PHTF2: variants seen among roughly 807,000 people sequenced by gnomAD.
PHTF2 encodes the protein protein PHTF2.
In PHTF2, 60 loss-of-function variants were observed where a neutral mutation model predicts 101.2. The observed-to-expected ratio is 0.59, with a 90% CI of 0.48 to 0.73. PHTF2 has a LOEUF of 0.73. Among genes scored for constraint, PHTF2 ranks in the 30% least tolerant of loss-of-function variants. The probability of loss-of-function intolerance (pLI) is 0.00; values close to 1 mark genes in which losing one functional copy is unlikely to be tolerated. For synonymous variants in PHTF2, 311 were observed against 307.3 expected (o/e 1.01, Z -0.13); for missense variants, 747 against 908.7 (o/e 0.82, Z 2.29).
At chr7:77,908,235 G>A in intron 7 of PHTF2, among the ~76,000 whole-genome samples, 1 of 152,192 alleles carries the variant, frequency 6.6e-6, no homozygotes, top group East Asian at 1.9e-4. Flanking sequence ...GGTAAAGAGA[G>A]TTTATGTCCA....
At chr7:77,917,485 T>C (rs1311364285) in intron 9 of PHTF2, among the ~76,000 whole-genome samples, 1 of 152,238 alleles carries the variant, frequency 6.6e-6, no homozygotes, top group Non-Finnish European at 1.5e-5. Flanking sequence ...AGGTATATTA[T>C]ACACCATCAA....
chr7:77,937,049 T>G (rs1401409288), intron 12 of PHTF2, among the ~76,000 whole-genome samples: 2 of 151,514 alleles, frequency 1.3e-5, no homozygotes, highest in Non-Finnish European at 2.9e-5. Context: ...GGAGGCTGAG[T>G]GCTTCAGTTT....
At chr7:77,908,247 A>G (rs1321754776) in intron 7 of PHTF2, among the ~76,000 whole-genome samples, 1 of 152,210 alleles carries the variant, frequency 6.6e-6, no homozygotes, top group Non-Finnish European at 1.5e-5. Context: ...TTATGTCCAG[A>G]AAGTCTAAGG....
At chr7:77,915,088 T>C (rs1399980720) in intron 9 of PHTF2, among the ~76,000 whole-genome samples, 1 of 150,046 alleles carries the variant, frequency 6.7e-6, no homozygotes, top group Non-Finnish European at 1.5e-5. Flanking sequence ...ATTTTTGTGT[T>C]TTTAGTAGAG....
At chr7:77,825,113 C>T (rs1302804222) in intron 1 of PHTF2, among the ~76,000 whole-genome samples, 1 of 151,832 alleles carries the variant, frequency 6.6e-6, no homozygotes, top group Non-Finnish European at 1.5e-5. Flanking sequence ...ATTTTTTCTT[C>T]ACTAAAACCA....
At chr7:77,948,092 G>A (rs919111363) in intron 16 of PHTF2, among the ~76,000 whole-genome samples, 2 of 151,940 alleles carry the variant, frequency 1.3e-5, no homozygotes, top group Non-Finnish European at 2.9e-5. Flanking sequence ...CACCTGCCTT[G>A]GCCTCCCAAA....
chr7:77,852,040 GT>G (rs1421717595), intron 2 of PHTF2, among the ~76,000 whole-genome samples: 1 of 152,020 alleles, frequency 6.6e-6, no homozygotes, highest in African/African-American at 2.4e-5. Flanking sequence ...TTTTGTGTGT[GT>G]GTGTGAGATA....
intron 1 of PHTF2, among the ~76,000 whole-genome samples, chr7:77,801,250 G>C (rs1792525127): frequency 6.6e-6 from 1 of 152,176 alleles, no homozygotes; most frequent in Non-Finnish European, 1.5e-5. Flanking sequence ...GGAACCTTTT[G>C]AGTGCCAAGA....
At chr7:77,933,918 T>C (rs954219569) in intron 12 of PHTF2, among the ~76,000 whole-genome samples, 2 of 152,214 alleles carry the variant, frequency 1.3e-5, no homozygotes, top group Non-Finnish European at 2.9e-5. Context: ...GCTACCTTTT[T>C]GGTAAGATAA....
intron 1 of PHTF2, among the ~76,000 whole-genome samples, chr7:77,810,425 G>C (rs1163457589): frequency 6.6e-6 from 1 of 152,194 alleles, no homozygotes; most frequent in Non-Finnish European, 1.5e-5. Context: ...TCTGTGTTTA[G>C]TTGTCACATC....
Position 77,901,761 on chromosome 7 carries a change from G to T in PHTF2, c.287-1G>T. On this transcript the variant is annotated splice_acceptor_variant, in intron 6 of 19. Coordinates refer to ENST00000416283, the Ensembl canonical transcript of PHTF2. LOFTEE classifies it high-confidence loss of function. Reference sequence around the variant, plus strand: ...CTGTTGTCCTATTTTACTTTTTTCAGGGTCTGCATTTGCAAAGGCAAAGCC... The same window carrying T: ...CTGTTGTCCTATTTTACTTTTTTCATGGTCTGCATTTGCAAAGGCAAAGCC... 1 of 1,479,476 alleles carries T rather than the reference G, an allele frequency of 6.8e-7. No individual in the cohort carries two copies. The allele number at this position is 1,479,476 out of a possible 1,614,324, so 91.6% of individuals were successfully genotyped here. A position where few individuals can be genotyped will look rare whatever the true frequency, so the allele number is the denominator to read the frequency against.
At chr7:77,802,157 A>G (rs1489915916) in intron 1 of PHTF2, among the ~76,000 whole-genome samples, 1 of 152,180 alleles carries the variant, frequency 6.6e-6, no homozygotes, top group African/African-American at 2.4e-5. Context: ...GAACAGAAAT[A>G]TGGATTGTTT....
At chr7:77,824,225 A>C (rs1008454852) in intron 1 of PHTF2, among the ~76,000 whole-genome samples, 3 of 151,420 alleles carry the variant, frequency 2.0e-5, no homozygotes, top group Non-Finnish European at 2.9e-5. Flanking sequence ...ATAGTAAAAG[A>C]TAAGATTTGA....
At chr7:77,954,644 A>ATATGTATGTGTATATATATATATG (rs1806872010) in intron 19 of PHTF2, among the ~76,000 whole-genome samples, 1 of 143,646 alleles carries the variant, frequency 7.0e-6, no homozygotes, top group African/African-American at 2.5e-5. Context: ...ATATATATAT[A>ATATGTATGTGTATATATATATATG]TAGCCACTTC....
chr7:77,903,324 A>G (rs1451280760), intron 7 of PHTF2, among the ~76,000 whole-genome samples: 3 of 152,190 alleles, frequency 2.0e-5, no homozygotes, highest in East Asian at 1.9e-4. Flanking sequence ...TAATTTAAGT[A>G]TAGTTATCTT....
chr7:77,909,077 A>G (rs977379076), intron 8 of PHTF2, 119 bp downstream of exon 7: 4 of 565,452 alleles, frequency 7.1e-6, no homozygotes, highest in Non-Finnish European at 1.2e-5. Flanking sequence ...CTGTTTCAAA[A>G]AAACACTGAG....
chr7:77,843,175 C>A (rs1000333562), intron 2 of PHTF2, among the ~76,000 whole-genome samples: 2 of 152,190 alleles, frequency 1.3e-5, no homozygotes, highest in African/African-American at 4.8e-5. Flanking sequence ...TCTATCATCC[C>A]AGTGACTCCA....
At chr7:77,855,958 T>G (rs947332528) in intron 3 of PHTF2, among the ~76,000 whole-genome samples, 7 of 152,246 alleles carry the variant, frequency 4.6e-5, no homozygotes, top group Admixed American at 1.3e-4. Flanking sequence ...TTTACTCACC[T>G]GATTTTTGGT....
In PHTF2 at chr7:77,908,783, C is replaced by T; in HGVS notation, c.446-10C>T. Reference sequence around the variant, plus strand: ...CTATAATTAAGCATATTTTCTTTCCCTTTTTATAGTTGCTGCAATAGTATT... The same window carrying T: ...CTATAATTAAGCATATTTTCTTTCCTTTTTTATAGTTGCTGCAATAGTATT... On this transcript the variant is annotated splice_polypyrimidine_tract_variant and intron_variant, in intron 7 of 19. Transcript: ENST00000416283. 6.5e-7 allele frequency: 1 copy of T among 1,526,966 alleles called. No homozygotes were observed. The highest frequency in any genetic ancestry group is 8.9e-7 in the Non-Finnish European group (1 of 1,126,538). 94.6% of individuals were successfully genotyped at this position (1,526,966 alleles called of 1,614,324 possible).
Sources: gnomAD v4.1 joint callset for allele counts (sites outside exome capture counted in the v4.1 genomes callset) on GRCh38, gnomAD v4.1.1 for gene constraint, MANE v1.5 for transcripts, NCBI Gene and HGNC (gene_info 2026-07-23, HGNC 2026-07-21) for gene names.